Variants in CD4 observed in about 807,000 individuals in gnomAD.
CD4 encodes the protein T-cell surface glycoprotein CD4.
CD4 carries 25 observed loss-of-function variants against 50.5 expected under a neutral mutation model. The observed-to-expected ratio is 0.49, with a 90% CI of 0.36 to 0.69. The LOEUF is 0.69. Ranked by LOEUF, CD4 falls within the 30% of genes least tolerant of loss-of-function variation. The pLI, the probability that CD4 is intolerant of heterozygous loss-of-function variation, is 0.00. For missense variants in CD4, 456 were observed against 548.5 expected, an observed-to-expected ratio of 0.83 and a Z score of 1.68; for synonymous variants, 207 against 221.9, an observed-to-expected ratio of 0.93 and a Z score of 0.60.
intron 3 of CD4, among the ~76,000 whole-genome samples, chr12:6,812,572 G>A (rs782485972): frequency 3.9e-4 from 60 of 152,058 alleles, no homozygotes; most frequent in African/African-American, 1.4e-3. Context: ...TCAGCTACTC[G>A]GGAGGCAGAG....
intron 5 of CD4, 140 bp from the exon 6 acceptor site, chr12:6,815,916 G>A: frequency 6.6e-7 from 1 of 1,519,092 alleles, no homozygotes; most frequent in East Asian, 2.4e-5. Flanking sequence ...GGAAGGAACT[G>A]AAGTATCTGA....
intron 3 of CD4, among the ~76,000 whole-genome samples, chr12:6,802,749 T>G (rs1242819943): frequency 6.6e-6 from 1 of 152,250 alleles, no homozygotes; most frequent in African/African-American, 2.4e-5. Context: ...TTTTTTTCTT[T>G]TTTTTGAGAC....
intron 1 of CD4, among the ~76,000 whole-genome samples, chr12:6,794,608 G>A (rs1942308210): frequency 6.6e-6 from 1 of 152,058 alleles, no homozygotes; most frequent in African/African-American, 2.4e-5. Context: ...CCGACCTCAG[G>A]TGATCCACTT....
intron 3 of CD4, among the ~76,000 whole-genome samples, chr12:6,802,235 G>A (rs972736962): frequency 2.0e-5 from 3 of 151,892 alleles, no homozygotes; most frequent in African/African-American, 7.3e-5. Flanking sequence ...ATGAAGAAAA[G>A]AATATGGAAG....
intron 3 of CD4, among the ~76,000 whole-genome samples, chr12:6,807,950 A>G (rs1282117998): frequency 6.7e-6 from 1 of 149,022 alleles, no homozygotes; most frequent in African/African-American, 2.5e-5. Flanking sequence ...CGTGGTGGCA[A>G]GTGCCTGTAG....
intron 1 of CD4, chr12:6,799,108 C>A (rs1273329211): frequency 6.6e-6 from 1 of 152,150 alleles, no homozygotes; most frequent in Non-Finnish European, 1.5e-5. Flanking sequence ...TAGGGGTGTG[C>A]AAGTTTACTT....
intron 3 of CD4, among the ~76,000 whole-genome samples, chr12:6,811,482 T>C (rs1235984957): frequency 7.1e-6 from 1 of 141,540 alleles, no homozygotes; most frequent in Non-Finnish European, 1.5e-5. Flanking sequence ...TCTTTTTTCT[T>C]TTCTTTTTCT....
intron 1 of CD4, among the ~76,000 whole-genome samples, chr12:6,791,064 G>A (rs1481703926): frequency 6.6e-6 from 1 of 152,204 alleles, no homozygotes; most frequent in African/African-American, 2.4e-5. Context: ...ACACTCGGGA[G>A]ATGATTTCCC....
At chr12:6,811,660 A>AT (rs782411482) in intron 3 of CD4, among the ~76,000 whole-genome samples, 17 of 133,194 alleles carry the variant, frequency 1.3e-4, no homozygotes, top group African/African-American at 2.6e-4. Context: ...GCTCTGGCTA[A>AT]TTTTTTTTTT....
At position 6,818,597 on chromosome 12, in the gene CD4, C is replaced by A; in HGVS notation, c.1278+55C>A. Reference sequence around the variant, plus strand: ...GGCCCTCAAACCCCTGAGTCCTCTACCAGGAGATCCTGTATATGGGAACTG... The same window carrying A: ...GGCCCTCAAACCCCTGAGTCCTCTAACAGGAGATCCTGTATATGGGAACTG... On this transcript the variant is annotated intron_variant, in intron 8 of 9. Transcript: ENST00000011653. This position sits in a 1 kb window ranked among gnomAD's most constrained non-coding sequence, Gnocchi z 5.0. 3.7e-6 allele frequency: 6 copies of A among 1,604,498 alleles called. No homozygotes were observed. The highest frequency in any genetic ancestry group is 5.1e-6 in the Non-Finnish European group (6 of 1,174,902).
chr12:6,811,984 TA>T (rs1565497963), intron 3 of CD4, among the ~76,000 whole-genome samples: 1 of 152,160 alleles, frequency 6.6e-6, no homozygotes, highest in East Asian at 1.9e-4. Context: ...TAATTTTTTT[TA>T]AAATAATTTT....
At chr12:6,814,421 T>A (rs1555117551) in intron 4 of CD4, 121 bp downstream of exon 4, 15 of 1,064,712 alleles carry the variant, frequency 1.4e-5, no homozygotes, top group East Asian at 7.7e-5. Context: ...AGGACCAGGC[T>A]GTCAAACTGG....
chr12:6,816,413 C>A lies in CD4; in HGVS notation c.955+10C>A. On this transcript the variant is annotated intron_variant, in intron 6 of 9. Transcript: ENST00000011653. The surrounding 1 kb of genome is among the most constrained non-coding windows in gnomAD (Gnocchi z 4.9). ...CTGGTGGTGATGAGAGGTGAGGGGCCAGGCCAGGGAGGGGTGGGCAGGGGA... is the reference window on the plus strand; with the variant it reads ...CTGGTGGTGATGAGAGGTGAGGGGCAAGGCCAGGGAGGGGTGGGCAGGGGA... 6.2e-7 allele frequency: 1 copy of A among 1,600,390 alleles called. No individual in the cohort carries two copies. Among genetic ancestry groups the A allele is most frequent in the Non-Finnish European group, 8.5e-7 (1 of 1,170,546 alleles).
At position 6,818,442 on chromosome 12, in the gene CD4, C is replaced by G. The variant is rs200216312; in HGVS notation, c.1178C>G (p.Pro393Arg). Residue 393 changes from proline (P) to arginine (R), a missense_variant, in exon 8 of 10, where the codon CCG (proline) becomes CGG (arginine). By Grantham distance (103) the Pro-to-Arg change is moderately radical. Coordinates refer to ENST00000011653, the MANE Select transcript of CD4 (RefSeq NM_000616.5). This position sits in a 1 kb window ranked among gnomAD's most constrained non-coding sequence, Gnocchi z 5.0. Reference sequence around the variant, plus strand: ...GCAGTTCTGCCCACATGGTCCACCCCGGTGCAGCCAATGGCCCTGATTGTG... The same window carrying G: ...GCAGTTCTGCCCACATGGTCCACCCGGGTGCAGCCAATGGCCCTGATTGTG... ...NIKVLPTWSTPVQPMALIVLG... is the reference protein window; with the variant it reads ...NIKVLPTWSTRVQPMALIVLG... The G allele has an allele frequency of 4.7e-5, 76 of 1,612,812 alleles. No individual in the cohort carries two copies. In the East Asian group the frequency reaches 6.7e-4, roughly 14 times the overall value.
rs782339967 is a variant in CD4 at position 6,810,407 on chromosome 12, C to T, written c.215-3735C>T. ...TATACATTTCATTTTGAACCAATTG[C>T]GTTTGGGGTGATGGCAGGATATTAA... On this transcript the variant is annotated intron_variant, in intron 3 of 9. Coordinates refer to ENST00000011653, the MANE Select transcript of CD4 (RefSeq NM_000616.5). Among the ~76,000 whole-genome samples, 5 of 152,210 alleles carry T rather than the reference C, an allele frequency of 3.3e-5. No individual in the cohort carries two copies. In the South Asian group the frequency reaches 6.2e-4, roughly 19 times the overall value.
At chr12:6,812,771 TTGTGTGTGTG>T (rs782347075) in intron 3 of CD4, among the ~76,000 whole-genome samples, 2 of 57,606 alleles carry the variant, frequency 3.5e-5, no homozygotes, top group Admixed American at 2.1e-4. Context: ...AAGGTTATTT[TTGTGTGTGTG>T]TGTGTGTGTG....
At position 6,818,520 on chromosome 12, in the gene CD4, G is replaced by A; in HGVS notation, c.1256G>A (p.Cys419Tyr). 5.6e-6 allele frequency: 9 copies of A among 1,613,008 alleles called. No individual in the cohort carries two copies. The highest frequency in any genetic ancestry group is 7.6e-6 in the Non-Finnish European group (9 of 1,180,018). Residue 419 changes from cysteine to tyrosine, a missense_variant, in exon 8 of 10, where the codon TGT becomes TAT. Cys to Tyr is a radical substitution (Grantham distance 194). Coordinates refer to ENST00000011653, the MANE Select transcript of CD4 (RefSeq NM_000616.5). This position sits in a 1 kb window ranked among gnomAD's most constrained non-coding sequence, Gnocchi z 5.0. ...TTCATTGGGCTAGGCATCTTCTTCT[G>A]TGTCAGGTGCCGGCACCGAAGGGTG... is the stretch of plus-strand genomic sequence containing the variant. ...LLFIGLGIFF[C>Y]VRCRHRRRQA... is the part of the protein sequence containing the mutation.
Position 6,800,605 on chromosome 12 carries a change from T to C in CD4, c.214+134T>C, listed in dbSNP as rs143423733. The stretch of plus-strand genomic sequence containing the variant: ...GTTGACAGAAACTCAGTGGCATTCT[T>C]ATCCAGAGTTTCTCTACACCAACTG... On this transcript the variant is annotated intron_variant, in intron 3 of 9. Transcript: ENST00000011653. The C allele has an allele frequency of 2.4e-3, 1,664 of 685,696 alleles. 16 individuals carry two copies. The highest frequency in any genetic ancestry group is 0.023 in the African/African-American group (1,273 of 55,348). 42.5% of individuals were successfully genotyped at this position (685,696 alleles called of 1,614,324 possible).
intron 3 of CD4, among the ~76,000 whole-genome samples, chr12:6,805,059 C>T (rs1179807526): frequency 7.4e-6 from 1 of 135,880 alleles, no homozygotes; most frequent in Non-Finnish European, 1.6e-5. Context: ...TGGTGTATGC[C>T]TGTAGTCCCA....
Sources: allele counts gnomAD v4.1 joint callset (sites outside exome capture counted in the v4.1 genomes callset), GRCh38; gene constraint gnomAD v4.1.1; non-coding constraint Gnocchi (gnomAD v3.1); transcripts MANE v1.5; gene names NCBI Gene and HGNC (gene_info 2026-07-23, HGNC 2026-07-21).